STIM1: variants seen among roughly 807,000 people sequenced by gnomAD.
The protein encoded by STIM1 is stromal interaction molecule 1.
A neutral mutation model predicts 74.7 loss-of-function variants in STIM1; 25 were observed. That is an observed-to-expected ratio of 0.33 (90% CI 0.24 to 0.47). The LOEUF is 0.47. STIM1 is among the 20% of genes least tolerant of loss of function. The pLI, the probability that STIM1 is intolerant of heterozygous loss-of-function variation, is 1.00. For synonymous variants in STIM1, 328 were observed against 348.8 expected (o/e 0.94, Z 0.66); for missense variants, 728 against 920.8 (o/e 0.79, Z 2.71).
At chr11:4,088,062 G>T (rs922217407) in intron 12 of STIM1, among the ~76,000 whole-genome samples, 1 of 152,034 alleles carries the variant, frequency 6.6e-6, no homozygotes, top group East Asian at 1.9e-4. Context: ...AGAATACTCC[G>T]TTGGATATTT....
intron 1 of STIM1, among the ~76,000 whole-genome samples, chr11:3,863,647 G>A (rs984283437): frequency 1.1e-4 from 16 of 152,044 alleles, no homozygotes; most frequent in African/African-American, 3.6e-4. Context: ...GAAATCTCAT[G>A]CTGTCCTGCT....
At chr11:3,916,132 T>G (rs1412044480) in intron 1 of STIM1, among the ~76,000 whole-genome samples, 1 of 152,210 alleles carries the variant, frequency 6.6e-6, no homozygotes, top group Non-Finnish European at 1.5e-5. Flanking sequence ...GATTTACTCC[T>G]CAGTTTTATG....
intron 2 of STIM1, among the ~76,000 whole-genome samples, chr11:3,993,866 T>A (rs886114854): frequency 2.0e-5 from 3 of 152,224 alleles, no homozygotes; most frequent in African/African-American, 7.2e-5. Flanking sequence ...ATTTAATCAC[T>A]TATTGTTTTA....
intron 12 of STIM1, chr11:4,088,912 T>C (rs974070328): frequency 3.1e-6 from 2 of 643,614 alleles, no homozygotes; most frequent in Non-Finnish European, 5.4e-6. Context: ...CAGTCCCAAC[T>C]TTTAGCTGAT....
intron 1 of STIM1, among the ~76,000 whole-genome samples, chr11:3,933,693 T>TCC (rs567884850): frequency 3.3e-5 from 5 of 152,210 alleles, no homozygotes; most frequent in South Asian, 4.2e-4. Context: ...CTCTCTCTCT[T>TCC]CCCCGCCGCC....
intron 12 of STIM1, 80 bp downstream of exon 12, chr11:4,086,623 T>C: frequency 6.3e-7 from 1 of 1,589,756 alleles, no homozygotes; most frequent in Non-Finnish European, 8.6e-7. Flanking sequence ...ATCTGGACAG[T>C]CTTTCAGTTC....
chr11:3,911,776 A>T (rs1485681519), intron 1 of STIM1, among the ~76,000 whole-genome samples: 3 of 152,190 alleles, frequency 2.0e-5, no homozygotes, highest in Non-Finnish European at 4.4e-5. Flanking sequence ...GCCTGTAGGC[A>T]GGCAGTCTAT....
intron 1 of STIM1, among the ~76,000 whole-genome samples, chr11:3,909,402 T>C (rs966656271): frequency 6.6e-6 from 1 of 151,934 alleles, no homozygotes; most frequent in Non-Finnish European, 1.5e-5. Flanking sequence ...ACCAGTAACT[T>C]TGGGGTGAGG....
chr11:3,904,600 G>A (rs1418781838), intron 1 of STIM1, among the ~76,000 whole-genome samples: 1 of 152,136 alleles, frequency 6.6e-6, no homozygotes, highest in African/African-American at 2.4e-5. Flanking sequence ...AGAATGTATA[G>A]ATTATAACTA....
intron 2 of STIM1, among the ~76,000 whole-genome samples, chr11:3,998,467 C>A (rs1414744266): frequency 6.6e-6 from 1 of 152,172 alleles, no homozygotes; most frequent in African/African-American, 2.4e-5. Context: ...CTCTCTGCTA[C>A]ATGTTATAGG....
At chr11:3,978,020 CA>C (rs1358942482) in intron 2 of STIM1, among the ~76,000 whole-genome samples, 2 of 152,072 alleles carry the variant, frequency 1.3e-5, no homozygotes, top group Non-Finnish European at 2.9e-5. Flanking sequence ...CTGTAGGAGG[CA>C]GAGGTAGTTC....
chr11:4,053,788 T>C (rs1452888195), intron 3 of STIM1, among the ~76,000 whole-genome samples: 1 of 151,928 alleles, frequency 6.6e-6, no homozygotes, highest in Non-Finnish European at 1.5e-5. Context: ...AAAAAAATTT[T>C]AATAGAGACA....
intron 1 of STIM1, among the ~76,000 whole-genome samples, chr11:3,877,066 A>T (rs2091327959): frequency 1.3e-5 from 2 of 152,140 alleles, no homozygotes; most frequent in Non-Finnish European, 2.9e-5. Context: ...AAAAAGATTA[A>T]AACCTTTTCT....
intron 1 of STIM1, among the ~76,000 whole-genome samples, chr11:3,859,097 G>A (rs2090499756): frequency 6.6e-6 from 1 of 152,134 alleles, no homozygotes; most frequent in African/African-American, 2.4e-5. Flanking sequence ...TCTTTTGCAG[G>A]GGCCCAGAGA....
intron 1 of STIM1, among the ~76,000 whole-genome samples, chr11:3,886,958 G>A (rs188052738): frequency 1.3e-5 from 2 of 150,540 alleles, no homozygotes; most frequent in Non-Finnish European, 3.0e-5. Flanking sequence ...AGCCGAGATC[G>A]CACCACTGCA....
chr11:3,878,036 G>A (rs746262354), intron 1 of STIM1, among the ~76,000 whole-genome samples: 15 of 152,186 alleles, frequency 9.9e-5, no homozygotes, highest in African/African-American at 1.7e-4. Flanking sequence ...TTCCTGGATA[G>A]GAGTGGTCAA....
At chr11:4,056,328 A>G (rs1368102742) in intron 4 of STIM1, among the ~76,000 whole-genome samples, 1 of 152,146 alleles carries the variant, frequency 6.6e-6, no homozygotes, top group Non-Finnish European at 1.5e-5. Flanking sequence ...TGGGAAGGGG[A>G]TGGAGTACTG....
chr11:3,959,753 G>T (rs1018762563), intron 1 of STIM1, among the ~76,000 whole-genome samples: 2 of 152,064 alleles, frequency 1.3e-5, no homozygotes, highest in African/African-American at 4.8e-5. Flanking sequence ...TTAGACCATG[G>T]CGGGTGGCAG....
At chr11:3,918,174 G>C (rs1019052177) in intron 1 of STIM1, among the ~76,000 whole-genome samples, 1 of 152,088 alleles carries the variant, frequency 6.6e-6, no homozygotes, top group Non-Finnish European at 1.5e-5. Context: ...CTCCCATGTA[G>C]TGGCAAAGAA....
Sources: allele counts gnomAD v4.1 joint callset (sites outside exome capture counted in the v4.1 genomes callset), GRCh38; gene constraint gnomAD v4.1.1; transcripts MANE v1.5; gene names NCBI Gene and HGNC (gene_info 2026-07-23, HGNC 2026-07-21).